The following MSI2 variants were observed in gnomAD, a reference collection of about 807,000 sequenced individuals.
MSI2 encodes the protein RNA-binding protein Musashi homolog 2.
In MSI2, 17 loss-of-function variants were observed where a neutral mutation model predicts 45.6. The ratio of observed to expected loss-of-function variants is 0.37; its 90% CI spans 0.26 to 0.56. The LOEUF (loss-of-function observed/expected upper bound fraction) is 0.56, where lower values mean the gene tolerates loss of function less well. Among genes scored for constraint, MSI2 ranks in the 20% least tolerant of loss-of-function variants. MSI2 has a pLI of 0.77. For synonymous variants in MSI2, 156 were observed against 158.2 expected (o/e 0.99, Z 0.11); for missense variants, 293 against 444.2 (o/e 0.66, Z 3.06).
chr17:57,445,964 C>T (rs1312883460), intron 6 of MSI2, among the ~76,000 whole-genome samples: 37 of 152,178 alleles, frequency 2.4e-4, no homozygotes, highest in Non-Finnish European at 2.9e-5. Flanking sequence ...CTGCCAGGCA[C>T]TGTTCCGGGT....
At chr17:57,293,348 G>A (rs1194237480) in intron 5 of MSI2, among the ~76,000 whole-genome samples, 4 of 152,024 alleles carry the variant, frequency 2.6e-5, no homozygotes, top group Admixed American at 6.5e-5. Context: ...CATGGGAGGC[G>A]GGGAGGCTCC....
In MSI2 at chr17:57,530,708, C is replaced by T. The variant is rs185353723; in HGVS notation, c.454+984C>T. Among the ~76,000 whole-genome samples the T allele has an allele frequency of 1.3e-3, 202 of 152,284 alleles. 5 individuals carry two copies. Among genetic ancestry groups the T allele is most frequent in the South Asian group, 0.013 (63 of 4,826 alleles). On this transcript the variant is annotated intron_variant, in intron 7 of 13. Transcript: ENST00000284073. ...GATGTTTCCTGTGTTGTTTACATTC[C>T]TGCTGTCACCTGTGATTAGAAACAG...
intron 7 of MSI2, among the ~76,000 whole-genome samples, chr17:57,533,022 G>A (rs117602187): frequency 0.021 from 3,187 of 152,306 alleles, 45 homozygotes; most frequent in Middle Eastern, 0.041. Context: ...TCTGATGAGC[G>A]TCAGGTGGGC....
At chr17:57,631,705 A>G (rs1017293945) in intron 10 of MSI2, 1 of 1,136,170 alleles carries the variant, frequency 8.8e-7, no homozygotes, top group African/African-American at 1.5e-5. Flanking sequence ...GTGATCAGGG[A>G]TCTCCCCTGC....
chr17:57,500,397 CT>C (rs35873324), intron 6 of MSI2, among the ~76,000 whole-genome samples: 9,256 of 141,708 alleles, frequency 0.065, 347 homozygotes, highest in Middle Eastern at 0.094. Context: ...TGAGTTGCGT[CT>C]TTTTTTTTTT....
chr17:57,322,119 C>T (rs1406454728), intron 5 of MSI2, among the ~76,000 whole-genome samples: 1 of 152,176 alleles, frequency 6.6e-6, no homozygotes, highest in Admixed American at 6.5e-5. Flanking sequence ...TTTTAAGCTC[C>T]ATGAGGGTAG....
chr17:57,644,248 T>C (rs1344838131), intron 10 of MSI2, among the ~76,000 whole-genome samples: 7 of 138,174 alleles, frequency 5.1e-5, no homozygotes, highest in Non-Finnish European at 9.2e-5. Context: ...TGGAAATACA[T>C]CTTCCTTCAA....
chr17:57,328,228 A>G (rs543269596), intron 5 of MSI2, among the ~76,000 whole-genome samples: 11 of 151,870 alleles, frequency 7.2e-5, no homozygotes, highest in African/African-American at 2.4e-4. Flanking sequence ...CCATCCATCC[A>G]TGCATCTACC....
At chr17:57,350,861 G>C in intron 5 of MSI2, among the ~76,000 whole-genome samples, 1 of 152,130 alleles carries the variant, frequency 6.6e-6, no homozygotes, top group South Asian at 2.1e-4. Context: ...CCTCATGGGA[G>C]GGGGTACTTG....
intron 7 of MSI2, among the ~76,000 whole-genome samples, chr17:57,586,585 C>A (rs560197413): frequency 6.6e-6 from 1 of 152,100 alleles, no homozygotes; most frequent in Non-Finnish European, 1.5e-5. Context: ...GGATTTGATT[C>A]GGGCAAACTG....
chr17:57,460,806 G>A (rs1435959353), intron 6 of MSI2, among the ~76,000 whole-genome samples: 1 of 152,082 alleles, frequency 6.6e-6, no homozygotes, highest in African/African-American at 2.4e-5. Flanking sequence ...AGAAGGGAGA[G>A]GAGCTTTCTA....
chr17:57,622,406 C>A (rs796922333), intron 9 of MSI2, among the ~76,000 whole-genome samples: 2 of 152,328 alleles, frequency 1.3e-5, no homozygotes, highest in African/African-American at 4.8e-5. Flanking sequence ...AATCCCACTG[C>A]CTTTAACTTT....
At chr17:57,283,315 C>T (rs1481564200) in intron 5 of MSI2, among the ~76,000 whole-genome samples, 1 of 152,124 alleles carries the variant, frequency 6.6e-6, no homozygotes, top group Non-Finnish European at 1.5e-5. Flanking sequence ...GTAATGTCAG[C>T]CCCTGGGGCT....
At chr17:57,476,231 T>TG (rs1372414288) in intron 6 of MSI2, among the ~76,000 whole-genome samples, 2 of 152,138 alleles carry the variant, frequency 1.3e-5, no homozygotes, top group Admixed American at 6.5e-5. Flanking sequence ...GTATATTTCC[T>TG]GGGGGTCTCT....
chr17:57,511,738 G>T (rs999441241), intron 6 of MSI2, among the ~76,000 whole-genome samples: 1 of 152,178 alleles, frequency 6.6e-6, no homozygotes, highest in African/African-American at 2.4e-5. Flanking sequence ...TGGCAATGGG[G>T]TATTGGTTTC....
intron 6 of MSI2, among the ~76,000 whole-genome samples, chr17:57,503,938 G>A (rs1246507759): frequency 6.6e-6 from 1 of 152,122 alleles, no homozygotes; most frequent in African/African-American, 2.4e-5. Context: ...AGAGATGCAT[G>A]TTGGTCACGC....
intron 6 of MSI2, among the ~76,000 whole-genome samples, chr17:57,438,793 C>T (rs2084739493): frequency 1.4e-5 from 2 of 145,778 alleles, no homozygotes; most frequent in African/African-American, 5.1e-5. Context: ...GCAGGTCTCC[C>T]ATAGGAATTT....
At chr17:57,699,205 A>T in the MSI2 span, among the ~76,000 whole-genome samples, 1 of 93,732 alleles carries the variant, frequency 1.1e-5, no homozygotes, top group Non-Finnish European at 2.1e-5. Flanking sequence ...GTGTGTGTGA[A>T]GGTGAGAAAG....
chr17:57,602,802 C>T (rs544737048), intron 8 of MSI2, among the ~76,000 whole-genome samples: 4 of 152,272 alleles, frequency 2.6e-5, no homozygotes, highest in Admixed American at 6.5e-5. Flanking sequence ...AAGTGTGGTC[C>T]ATGTACCAGC....
Sources: allele counts gnomAD v4.1 joint callset (sites outside exome capture counted in the v4.1 genomes callset), GRCh38; gene constraint gnomAD v4.1.1; transcripts MANE v1.5; gene names NCBI Gene and HGNC (gene_info 2026-07-23, HGNC 2026-07-21).